Variants in STS observed in about 807,000 individuals in gnomAD.
STS encodes the protein steryl-sulfatase.
Under a neutral mutation model 26.8 loss-of-function variants are expected in STS, and 7 were observed. The observed-to-expected ratio is 0.26, with a 90% confidence interval of 0.15 to 0.49. The LOEUF is 0.49. Among genes scored for constraint, STS ranks in the 20% least tolerant of loss-of-function variants. The probability of loss-of-function intolerance (pLI) is 0.98; values close to 1 mark genes in which losing one functional copy is unlikely to be tolerated. For missense variants in STS, 434 were observed against 465.6 expected, an observed-to-expected ratio of 0.93 and a Z score of 0.63; for synonymous variants, 199 against 189.4, an observed-to-expected ratio of 1.05 and a Z score of -0.42.
chrX:7,171,005 A>G (rs1211165911), intron 1 of STS, among the ~76,000 whole-genome samples: 1 of 111,392 alleles, frequency 9.0e-6, no homozygotes, highest in African/African-American at 3.3e-5. Flanking sequence ...CCCTGGTACA[A>G]TGGGCCAGTC....
intron 9 of STS, among the ~76,000 whole-genome samples, chrX:7,326,358 G>C (rs778820685): frequency 9.0e-6 from 1 of 111,671 alleles, no homozygotes; most frequent in Non-Finnish European, 1.9e-5. Context: ...GTTTAATTCA[G>C]CCTTGGTCTT....
intron 2 of STS, among the ~76,000 whole-genome samples, chrX:7,222,711 A>G (rs867157331): frequency 7.2e-5 from 8 of 111,445 alleles, no homozygotes; most frequent in Middle Eastern, 4.7e-3. Flanking sequence ...TATGTCTAAG[A>G]GATAGCATTC....
chrX:7,252,171 A>G, intron 2 of STS: 2 of 364,065 alleles, frequency 5.5e-6, no homozygotes, highest in Non-Finnish European at 7.1e-6. Context: ...CAGATGAGAA[A>G]CAGAAAGAGA....
At position 7,354,637 on chromosome X, in the gene STS, A is replaced by G. The variant is rs1285304816; in HGVS notation, c.*4376A>G. ...GATCTGAATAAAGTAATTGTAATAC[A>G]CCAATATTTTACTTTGTTGAGTATT... On this transcript the variant is annotated 3_prime_UTR_variant, in exon 11 of 11. Coordinates refer to ENST00000674429, the MANE Select transcript of STS (RefSeq NM_001320752.2). The G allele has an allele frequency of 9.0e-6, 1 of 111,597 alleles. No homozygotes were observed. Among genetic ancestry groups the G allele is most frequent in the Non-Finnish European group, 1.9e-5 (1 of 53,191 alleles). 9.2% of individuals were successfully genotyped at this position (111,597 alleles called of 1,213,427 possible).
chrX:7,219,493 C>A lies in STS; in HGVS notation c.-5+28485C>A, dbSNP rs1010176238. On this transcript the variant is annotated intron_variant, in intron 2 of 10. Transcript: ENST00000674429. The stretch of plus-strand genomic sequence containing the variant: ...GCCAAGCCTCCAGCAGCTGACGGGA[C>A]CCAGCTGTAGTGAGGTTGCAGTGAT... 50 of 1,130,810 alleles carry A rather than the reference C, an allele frequency of 4.4e-5. 1 individual carries two copies. The African/African-American group carries it at 8.1e-4, about 18-fold the overall frequency. 93.2% of individuals were successfully genotyped at this position (1,130,810 alleles called of 1,213,427 possible).
chrX:7,215,298 A>T (rs963710592), intron 2 of STS, among the ~76,000 whole-genome samples: 1 of 108,627 alleles, frequency 9.2e-6, no homozygotes, highest in African/African-American at 3.4e-5. Context: ...CTCTGGGTAG[A>T]TACCCAGGAG....
chrX:7,222,661 C>T (rs1445357396), intron 2 of STS, among the ~76,000 whole-genome samples: 1 of 111,217 alleles, frequency 9.0e-6, no homozygotes, highest in African/African-American at 3.3e-5. Context: ...AAACTACTGC[C>T]CTAAATATTC....
intron 6 of STS, among the ~76,000 whole-genome samples, chrX:7,265,046 A>G (rs1237020994): frequency 1.9e-5 from 2 of 102,721 alleles, no homozygotes; most frequent in African/African-American, 7.2e-5. Context: ...TTTGGTAATA[A>G]TCTGGTTTTG....
intron 6 of STS, among the ~76,000 whole-genome samples, chrX:7,263,355 C>G (rs190719812): frequency 5.3e-5 from 6 of 112,917 alleles, no homozygotes; most frequent in African/African-American, 1.9e-4. Flanking sequence ...AGGCATGAGC[C>G]ACCACGCCCG....
intron 10 of STS, among the ~76,000 whole-genome samples, chrX:7,340,716 G>A (rs1928245187): frequency 8.9e-6 from 1 of 112,099 alleles, no homozygotes; most frequent in African/African-American, 3.2e-5. Flanking sequence ...TCCATCTCAT[G>A]GGTGACATCC....
At chrX:7,327,177 G>A (rs781221949) in intron 9 of STS, among the ~76,000 whole-genome samples, 18 of 110,935 alleles carry the variant, frequency 1.6e-4, no homozygotes, top group Admixed American at 2.9e-4. Context: ...CACAAGGAAT[G>A]TCCATTGTAC....
chrX:7,212,596 C>T (rs1465075657), intron 2 of STS, among the ~76,000 whole-genome samples: 1 of 112,123 alleles, frequency 8.9e-6, no homozygotes, highest in African/African-American at 3.2e-5. Flanking sequence ...CTTCTTGCCC[C>T]AGGAGTTACT....
intron 1 of STS, among the ~76,000 whole-genome samples, chrX:7,181,755 A>T (rs1205611932): frequency 8.9e-6 from 1 of 112,099 alleles, no homozygotes; most frequent in Non-Finnish European, 1.9e-5. Flanking sequence ...CTATGGGTAG[A>T]TATTGCAGGG....
chrX:7,250,013 G>C (rs746332615), intron 2 of STS, among the ~76,000 whole-genome samples: 3 of 110,716 alleles, frequency 2.7e-5, no homozygotes, highest in Non-Finnish European at 3.8e-5. Flanking sequence ...CTGTAGTCTC[G>C]AACCCCTGGG....
chrX:7,324,353 G>A (rs1401926533), intron 8 of STS, among the ~76,000 whole-genome samples: 1 of 110,644 alleles, frequency 9.0e-6, no homozygotes, highest in African/African-American at 3.3e-5. Context: ...AGGCTTCAGA[G>A]AGAACAGATT....
At chrX:7,244,075 A>C (rs1922748797) in intron 2 of STS, among the ~76,000 whole-genome samples, 1 of 111,414 alleles carries the variant, frequency 9.0e-6, no homozygotes, top group Non-Finnish European at 1.9e-5. Flanking sequence ...TCTAAGAAAA[A>C]AAGAAGAAGA....
At chrX:7,221,486 C>A (rs926767557) in intron 2 of STS, among the ~76,000 whole-genome samples, 3 of 111,857 alleles carry the variant, frequency 2.7e-5, no homozygotes, top group Admixed American at 9.5e-5. Flanking sequence ...TTTTCTAATT[C>A]TAAGCTAGAT....
chrX:7,254,223 A>G (rs1240960793), intron 3 of STS, among the ~76,000 whole-genome samples: 1 of 112,233 alleles, frequency 8.9e-6, no homozygotes, highest in African/African-American at 3.2e-5. Context: ...GCCAGTAATT[A>G]TCAAAACAGT....
chrX:7,280,562 T>C (rs1399704561), intron 7 of STS, among the ~76,000 whole-genome samples: 1 of 112,169 alleles, frequency 8.9e-6, no homozygotes, highest in African/African-American at 3.2e-5. Context: ...TGGAGGCGTG[T>C]CATTCTGGCT....
Sources: gnomAD v4.1 joint callset for allele counts (sites outside exome capture counted in the v4.1 genomes callset) on GRCh38, gnomAD v4.1.1 for gene constraint, MANE v1.5 for transcripts, NCBI Gene and HGNC (gene_info 2026-07-23, HGNC 2026-07-21) for gene names.